Variants in UNC5D observed in about 807,000 individuals in gnomAD.
UNC5D encodes the protein unc-5 netrin receptor D, also known as netrin receptor UNC5D.
A neutral mutation model predicts 105.4 loss-of-function variants in UNC5D; 39 were observed. The observed-to-expected ratio is 0.37, with a 90% CI of 0.29 to 0.48. The LOEUF (loss-of-function observed/expected upper bound fraction) is 0.48. Ranked by LOEUF, UNC5D falls within the 20% of genes least tolerant of loss-of-function variation. UNC5D has a pLI of 0.98. For synonymous variants in UNC5D, 452 were observed against 450.4 expected, an observed-to-expected ratio of 1.00 and a Z score of -0.04; for missense variants, 991 against 1,202.4, an observed-to-expected ratio of 0.82 and a Z score of 2.60.
intron 1 of UNC5D, among the ~76,000 whole-genome samples, chr8:35,283,544 G>A (rs756919407): frequency 5.9e-5 from 9 of 151,732 alleles, no homozygotes; most frequent in African/African-American, 9.7e-5. Flanking sequence ...GGCGGATCAC[G>A]AGATCAAGAG....
chr8:35,755,978 T>C (rs765160752), intron 13 of UNC5D, among the ~76,000 whole-genome samples: 12 of 152,146 alleles, frequency 7.9e-5, no homozygotes, highest in Non-Finnish European at 1.6e-4. Flanking sequence ...TTACAAATAC[T>C]CAGGCCTAGC....
intron 1 of UNC5D, among the ~76,000 whole-genome samples, chr8:35,487,593 A>ACACACACCCCCCC (rs1415748793): frequency 6.6e-6 from 1 of 150,472 alleles, no homozygotes; most frequent in African/African-American, 2.5e-5. Context: ...ACACACACAC[A>ACACACACCCCCCC]CCCCACAGAC....
intron 1 of UNC5D, among the ~76,000 whole-genome samples, chr8:35,390,964 A>G (rs1458160704): frequency 6.6e-6 from 1 of 152,258 alleles, no homozygotes; most frequent in Non-Finnish European, 1.5e-5. Flanking sequence ...CAAGTACTTT[A>G]AGGCACACTG....
intron 1 of UNC5D, among the ~76,000 whole-genome samples, chr8:35,319,511 G>A (rs1273834418): frequency 6.6e-6 from 1 of 152,038 alleles, no homozygotes; most frequent in East Asian, 1.9e-4. Flanking sequence ...ATACGTTCTT[G>A]TCTCCCTGGA....
intron 4 of UNC5D, among the ~76,000 whole-genome samples, chr8:35,650,189 T>C (rs1233797804): frequency 6.6e-6 from 1 of 152,102 alleles, no homozygotes. Context: ...AGAAAAATAA[T>C]TCCATAGCTC....
intron 1 of UNC5D, among the ~76,000 whole-genome samples, chr8:35,325,457 G>A (rs1810078239): frequency 6.6e-6 from 1 of 152,132 alleles, no homozygotes; most frequent in Non-Finnish European, 1.5e-5. Context: ...GAATGACATG[G>A]CAGTGAGGTG....
chr8:35,376,581 AT>A (rs770838846), intron 1 of UNC5D, among the ~76,000 whole-genome samples: 68 of 152,194 alleles, frequency 4.5e-4, no homozygotes, highest in Non-Finnish European at 8.4e-4. Context: ...AGTTTATGCC[AT>A]TGATAAAAAG....
intron 12 of UNC5D, among the ~76,000 whole-genome samples, 164 bp downstream of exon 12, chr8:35,748,859 T>TCC (rs200458570): frequency 6.6e-5 from 10 of 151,300 alleles, no homozygotes; most frequent in African/African-American, 1.2e-4. Flanking sequence ...TTGTTTTTCT[T>TCC]CCCCCCCCAT....
At chr8:35,510,077 G>A (rs1812594608) in intron 1 of UNC5D, among the ~76,000 whole-genome samples, 1 of 152,086 alleles carries the variant, frequency 6.6e-6, no homozygotes, top group Non-Finnish European at 1.5e-5. Context: ...CCAGAATCCA[G>A]TCCTTTGGGG....
chr8:35,721,394 G>C (rs964821931), intron 8 of UNC5D: 3 of 702,528 alleles, frequency 4.3e-6, no homozygotes, highest in Non-Finnish European at 7.8e-6. Context: ...GGGTGGGGAG[G>C]CACCCACATT....
chr8:35,493,095 T>G (rs541710736), intron 1 of UNC5D, among the ~76,000 whole-genome samples: 1 of 152,072 alleles, frequency 6.6e-6, no homozygotes, highest in East Asian at 1.9e-4. Context: ...AGAAAATGGT[T>G]AAAAAGTCTT....
At chr8:35,749,293 G>C (rs1322403276) in intron 12 of UNC5D, among the ~76,000 whole-genome samples, 1 of 152,144 alleles carries the variant, frequency 6.6e-6, no homozygotes, top group Non-Finnish European at 1.5e-5. Flanking sequence ...ATTAACAACA[G>C]GGAAGACAGT....
Position 35,790,619 on chromosome 8 carries a change from T to G in UNC5D, c.*56T>G, listed in dbSNP as rs1439639070. 5 of 1,596,752 alleles carry G rather than the reference T, an allele frequency of 3.1e-6. No individual in the cohort carries two copies. Among genetic ancestry groups the G allele is most frequent in the Non-Finnish European group, 4.3e-6 (5 of 1,168,590 alleles). ...CCAGCTTGGGGACATTTGCTTTAAA[T>G]GGGAAAGAGGCCGCTTTCTGCCCAG... On this transcript the variant is annotated 3_prime_UTR_variant, in exon 17 of 17. Transcript: ENST00000404895.
chr8:35,393,125 CTTTTTTTT>C (rs34886215), intron 1 of UNC5D, among the ~76,000 whole-genome samples: 1 of 75,068 alleles, frequency 1.3e-5, no homozygotes, highest in Non-Finnish European at 2.6e-5. Context: ...CCTATTCCTA[CTTTTTTTT>C]TTTTTTTTTT....
At chr8:35,336,789 G>GT (rs766583446) in intron 1 of UNC5D, among the ~76,000 whole-genome samples, 68 of 27,052 alleles carry the variant, frequency 2.5e-3, no homozygotes, top group African/African-American at 3.8e-3. Context: ...AAAGGAAATA[G>GT]TGTTTTTTTT....
chr8:35,613,970 G>T (rs1275113544), intron 4 of UNC5D, among the ~76,000 whole-genome samples: 1 of 152,246 alleles, frequency 6.6e-6, no homozygotes, highest in African/African-American at 2.4e-5. Flanking sequence ...CTGAGCTAAA[G>T]ACTGTGTGTG....
At chr8:35,289,650 T>C (rs1281925162) in intron 1 of UNC5D, among the ~76,000 whole-genome samples, 1 of 152,200 alleles carries the variant, frequency 6.6e-6, no homozygotes, top group Non-Finnish European at 1.5e-5. Flanking sequence ...ATACGTGTGA[T>C]AACAGGTTAA....
chr8:35,457,022 G>GT (rs1808542279), intron 1 of UNC5D, among the ~76,000 whole-genome samples: 1 of 152,062 alleles, frequency 6.6e-6, no homozygotes, highest in Non-Finnish European at 1.5e-5. Flanking sequence ...CAAATTTATT[G>GT]TATGTCCTTG....
At chr8:35,760,294 C>T (rs1801467120) in intron 14 of UNC5D, among the ~76,000 whole-genome samples, 1 of 152,018 alleles carries the variant, frequency 6.6e-6, no homozygotes, top group South Asian at 2.1e-4. Context: ...CCGCCCACCT[C>T]AGCCTCCCAA....
Sources: allele counts gnomAD v4.1 joint callset (sites outside exome capture counted in the v4.1 genomes callset), GRCh38; gene constraint gnomAD v4.1.1; transcripts MANE v1.5; gene names NCBI Gene and HGNC (gene_info 2026-07-23, HGNC 2026-07-21).